Variants in LRBA observed in about 807,000 individuals in gnomAD.
LRBA encodes lipopolysaccharide-responsive and beige-like anchor protein.
Under a neutral mutation model 330.0 loss-of-function variants are expected in LRBA, and 176 were observed. The ratio of observed to expected loss-of-function variants is 0.53; its 90% CI spans 0.47 to 0.60. LRBA has a LOEUF of 0.60. Among genes scored for constraint, LRBA ranks in the 20% least tolerant of loss-of-function variants. The probability of loss-of-function intolerance (pLI) is 0.00; values close to 1 mark genes in which losing one functional copy is unlikely to be tolerated. For missense variants in LRBA, 3,259 were observed against 3,444.8 expected, an observed-to-expected ratio of 0.95 and a Z score of 1.35; for synonymous variants, 1,230 against 1,193.0, an observed-to-expected ratio of 1.03 and a Z score of -0.64.
At chr4:150,369,245 T>C (rs1739913167) in intron 47 of LRBA, among the ~76,000 whole-genome samples, 1 of 152,154 alleles carries the variant, frequency 6.6e-6, no homozygotes, top group Non-Finnish European at 1.5e-5. Context: ...TCTCATTCTT[T>C]CTCTTCTCCA....
At chr4:150,655,084 G>A (rs1780058405) in intron 37 of LRBA, among the ~76,000 whole-genome samples, 1 of 152,104 alleles carries the variant, frequency 6.6e-6, no homozygotes, top group Non-Finnish European at 1.5e-5. Context: ...GAGTCAAATG[G>A]TATTTCTAGT....
chr4:150,973,513 T>C (rs948600598), intron 2 of LRBA, among the ~76,000 whole-genome samples: 9 of 152,198 alleles, frequency 5.9e-5, no homozygotes, highest in African/African-American at 1.9e-4. Flanking sequence ...AGTTATCAAG[T>C]CCAATCTTGT....
intron 17 of LRBA, among the ~76,000 whole-genome samples, chr4:150,880,021 A>T (rs373874468): frequency 1.4e-4 from 21 of 152,372 alleles, no homozygotes; most frequent in African/African-American, 5.0e-4. Context: ...TGACCAAAAC[A>T]GCATGGTACT....
At chr4:150,310,694 G>C (rs756297098) in intron 51 of LRBA, 14 of 223,714 alleles carry the variant, frequency 6.3e-5, no homozygotes, top group Non-Finnish European at 1.2e-4. Context: ...ACAATCTCCA[G>C]ATTGCATCAC....
intron 47 of LRBA, among the ~76,000 whole-genome samples, chr4:150,365,304 G>A (rs1461657104): frequency 2.0e-5 from 3 of 152,054 alleles, no homozygotes; most frequent in African/African-American, 7.2e-5. Context: ...ACTGCACCCG[G>A]CCTCATTATG....
intron 28 of LRBA, among the ~76,000 whole-genome samples, chr4:150,835,455 T>C (rs1747887575): frequency 6.6e-6 from 1 of 152,210 alleles, no homozygotes; most frequent in Non-Finnish European, 1.5e-5. Flanking sequence ...TGTTTTTCCA[T>C]TTGTTTGTGT....
chr4:150,692,365 T>G (rs897441216), intron 36 of LRBA, among the ~76,000 whole-genome samples: 1 of 152,056 alleles, frequency 6.6e-6, no homozygotes, highest in African/African-American at 2.4e-5. Flanking sequence ...ACTAGAGGCA[T>G]GCACCACCAT....
At chr4:150,311,389 T>C (rs1172046746) in intron 51 of LRBA, 1 of 152,212 alleles carries the variant, frequency 6.6e-6, no homozygotes, top group East Asian at 1.9e-4. Context: ...AATTTTCAAT[T>C]TTTTGAAAAA....
intron 42 of LRBA, among the ~76,000 whole-genome samples, chr4:150,481,635 A>C (rs1757309653): frequency 6.6e-6 from 1 of 151,764 alleles, no homozygotes; most frequent in African/African-American, 2.4e-5. Context: ...CTTTTTCAGT[A>C]ATTTCATATA....
At chr4:150,289,807 G>A (rs1748615244) in intron 53 of LRBA, among the ~76,000 whole-genome samples, 1 of 152,156 alleles carries the variant, frequency 6.6e-6, no homozygotes, top group African/African-American at 2.4e-5. Flanking sequence ...TAAAGAGCTT[G>A]AAATAGTTAC....
At chr4:150,270,428 C>T (rs1335526010) in intron 56 of LRBA, among the ~76,000 whole-genome samples, 2 of 152,120 alleles carry the variant, frequency 1.3e-5, no homozygotes, top group East Asian at 3.8e-4. Context: ...GTGAAATAAG[C>T]CAGGCACAAC....
chr4:150,808,468 G>T (rs1743125000), intron 31 of LRBA, 70 bp from the exon 32 acceptor site: 3 of 836,766 alleles, frequency 3.6e-6, no homozygotes, highest in Non-Finnish European at 6.2e-6. Context: ...TAAAAAGAAT[G>T]TCATTATACC....
intron 40 of LRBA, among the ~76,000 whole-genome samples, chr4:150,514,280 C>T (rs1177006818): frequency 6.6e-6 from 1 of 152,134 alleles, no homozygotes; most frequent in Non-Finnish European, 1.5e-5. Flanking sequence ...CCATGTTGGC[C>T]AGGCTGGTCA....
At chr4:150,443,852 A>AAAAAAAAAAAAAT (rs1345505404) in intron 44 of LRBA, among the ~76,000 whole-genome samples, 2 of 44,060 alleles carry the variant, frequency 4.5e-5, no homozygotes, top group Non-Finnish European at 7.3e-5. Context: ...ATAATTAAAA[A>AAAAAAAAAAAAAT]AATATATATA....
At chr4:150,673,423 TA>T in intron 37 of LRBA, among the ~76,000 whole-genome samples, 1 of 152,296 alleles carries the variant, frequency 6.6e-6, no homozygotes, top group African/African-American at 2.4e-5. Context: ...GATAGAGGAA[TA>T]AAACATAAGG....
intron 51 of LRBA, 157 bp from the exon 52 acceptor site, chr4:150,310,541 C>T (rs1347666784): frequency 5.9e-6 from 3 of 510,730 alleles, no homozygotes; most frequent in African/African-American, 1.9e-5. Flanking sequence ...TATCCAATTG[C>T]TGGAAAAATG....
At chr4:150,431,359 A>G (rs1267209854) in intron 46 of LRBA, among the ~76,000 whole-genome samples, 1 of 152,202 alleles carries the variant, frequency 6.6e-6, no homozygotes, top group Non-Finnish European at 1.5e-5. Context: ...CATTGTTCAA[A>G]AAGGGTGAAG....
At chr4:150,277,654 C>T (rs930535522) in intron 56 of LRBA, among the ~76,000 whole-genome samples, 199 bp downstream of exon 56, 3 of 151,940 alleles carry the variant, frequency 2.0e-5, no homozygotes, top group Admixed American at 6.5e-5. Flanking sequence ...TTTTACTATA[C>T]AATTTTGAAA....
intron 37 of LRBA, among the ~76,000 whole-genome samples, chr4:150,678,654 A>AG (rs963490587): frequency 6.6e-6 from 1 of 152,114 alleles, no homozygotes; most frequent in Non-Finnish European, 1.5e-5. Context: ...GGGAACAAGG[A>AG]GGGGATACAT....
Sources: allele counts gnomAD v4.1 joint callset (sites outside exome capture counted in the v4.1 genomes callset), GRCh38; gene constraint gnomAD v4.1.1; transcripts MANE v1.5; gene names NCBI Gene and HGNC (gene_info 2026-07-23, HGNC 2026-07-21).